SHPRH: variants seen among roughly 807,000 people sequenced by gnomAD.
SHPRH encodes E3 ubiquitin-protein ligase SHPRH.
SHPRH carries 106 observed loss-of-function variants against 202.5 expected under a neutral mutation model. The observed-to-expected ratio is 0.52, with a 90% CI of 0.45 to 0.62. The LOEUF (loss-of-function observed/expected upper bound fraction) is 0.62. Among genes scored for constraint, SHPRH ranks in the 20% least tolerant of loss-of-function variants. The pLI is 0.00. For missense variants in SHPRH, 1,710 were observed against 2,020.0 expected (o/e 0.85, Z 2.94); for synonymous variants, 729 against 686.0 (o/e 1.06, Z -0.98).
At chr6:145,910,390 C>A in intron 25 of SHPRH, 58 bp downstream of exon 25, 1 of 1,561,784 alleles carries the variant, frequency 6.4e-7, no homozygotes, top group Admixed American at 1.7e-5. Flanking sequence ...TAATCAGATA[C>A]TGCTTCCTAT....
At chr6:145,961,608 T>C (rs1231993733) in intron 1 of SHPRH, among the ~76,000 whole-genome samples, 1 of 152,246 alleles carries the variant, frequency 6.6e-6, no homozygotes, top group Admixed American at 6.5e-5. Context: ...CTATCCAGTA[T>C]CTTTTAAATT....
chr6:145,858,368 A>T, the SHPRH span, among the ~76,000 whole-genome samples: 2 of 151,608 alleles, frequency 1.3e-5, no homozygotes, highest in Non-Finnish European at 2.9e-5. Context: ...ATGGAAAGTT[A>T]CTTAGCAATA....
intron 25 of SHPRH, among the ~76,000 whole-genome samples, chr6:145,900,747 T>C (rs1025118710): frequency 6.6e-6 from 1 of 152,162 alleles, no homozygotes; most frequent in African/African-American, 2.4e-5. Flanking sequence ...TACTTTAAAA[T>C]CATCTCTGTA....
chr6:145,907,626 T>C (rs1428706743), intron 25 of SHPRH: 1 of 152,098 alleles, frequency 6.6e-6, no homozygotes, highest in African/African-American at 2.4e-5. Flanking sequence ...TTTGAGTCCT[T>C]GTCTTAGGCT....
At chr6:145,905,950 G>A (rs955334780) in intron 25 of SHPRH, 1 of 151,870 alleles carries the variant, frequency 6.6e-6, no homozygotes, top group Non-Finnish European at 1.5e-5. Context: ...CGTATTTTAT[G>A]AAACAAATTG....
rs1396373205 is a variant in SHPRH, at chr6:145,923,750, G to A, written c.3438C>T (p.Ile1146=). ...CAATAGTAAATTCTATTGCTCTGTG[G>A]ATCACATTTAGCCACCAAGGAGAAT... ...HSNSPWWLNV[I]HRAIEFTIDE... The change falls in exon 18 of 30, where the codon ATC becomes ATT. Residue 1146 remains isoleucine (I), a synonymous_variant. Coordinates refer to ENST00000275233, the MANE Select transcript of SHPRH (RefSeq NM_001042683.3). 6.2e-7 allele frequency: 1 copy of A among 1,610,894 alleles called. No homozygotes were observed. Among genetic ancestry groups the A allele is most frequent in the Admixed American group, 1.7e-5 (1 of 59,738 alleles).
At chr6:145,941,911 G>C (rs1786821808) in intron 9 of SHPRH, 37 bp from the exon 10 acceptor site, 1 of 1,602,938 alleles carries the variant, frequency 6.2e-7, no homozygotes, top group African/African-American at 1.3e-5. Context: ...ATTGCAAAAA[G>C]GCTCACTAAA....
intron 4 of SHPRH, 144 bp from the exon 5 acceptor site, chr6:145,948,494 C>T (rs1787632099): frequency 3.7e-6 from 2 of 536,782 alleles, no homozygotes; most frequent in Non-Finnish European, 6.4e-6. Flanking sequence ...GGAAAAGCCA[C>T]ATACTTAACA....
downstream of SHPRH, among the ~76,000 whole-genome samples, chr6:145,861,972 C>T (rs1358043944): frequency 2.6e-5 from 4 of 152,016 alleles, no homozygotes; most frequent in African/African-American, 7.2e-5. Flanking sequence ...CAAATAGCAG[C>T]AGAGAGTAGA....
intron 1 of SHPRH, among the ~76,000 whole-genome samples, chr6:145,962,272 C>G (rs1789166454): frequency 6.6e-6 from 1 of 152,186 alleles, no homozygotes; most frequent in African/African-American, 2.4e-5. Context: ...GAGTAGTATC[C>G]TATTCAGTGT....
Position 145,935,406 on chromosome 6 carries a change from G to T in SHPRH, c.2605C>A (p.Pro869Thr), listed in dbSNP as rs777068431. The change falls in exon 12 of 30, where the codon CCT (proline) becomes ACT (threonine). Residue 869 changes from proline (P) to threonine (T), a missense_variant. Around this residue, in one of 8 missense-constraint regions of SHPRH, gnomAD observed 277 missense variants for 363.0 expected, o/e 0.76. Coordinates refer to ENST00000275233, the MANE Select transcript of SHPRH (RefSeq NM_001042683.3). ...FGLVVFLGIE[P>T]YCVKHWWVRL... ...ACCCACCAGTGTTTGACACAGTAAGGTTCAATACCAAGAAAGACCACTAAC... is the reference window on the plus strand; with the variant it reads ...ACCCACCAGTGTTTGACACAGTAAGTTTCAATACCAAGAAAGACCACTAAC... 1 of 1,613,842 alleles carries T rather than the reference G, an allele frequency of 6.2e-7. No homozygotes were observed. Among genetic ancestry groups the T allele is most frequent in the Admixed American group, 1.7e-5 (1 of 59,992 alleles).
chr6:145,881,130 T>C (rs886579570), downstream of SHPRH, among the ~76,000 whole-genome samples: 1 of 152,244 alleles, frequency 6.6e-6, no homozygotes, highest in Non-Finnish European at 1.5e-5. Flanking sequence ...TACTTACTAA[T>C]GGGACAGAAT....
chr6:145,949,127 A>C (rs930081078), intron 4 of SHPRH, among the ~76,000 whole-genome samples: 3 of 152,130 alleles, frequency 2.0e-5, no homozygotes, highest in African/African-American at 7.2e-5. Context: ...AATGCAAATT[A>C]GTACAATCTC....
intron 1 of SHPRH, among the ~76,000 whole-genome samples, chr6:145,962,173 G>A (rs1789153862): frequency 6.6e-6 from 1 of 152,144 alleles, no homozygotes; most frequent in Non-Finnish European, 1.5e-5. Flanking sequence ...ATCTTCCCTG[G>A]AAAGGCTTCC....
At chr6:145,953,264 C>T (rs1273124769) in intron 2 of SHPRH, among the ~76,000 whole-genome samples, 1 of 151,990 alleles carries the variant, frequency 6.6e-6, no homozygotes, top group African/African-American at 2.4e-5. Context: ...AAATGAATGA[C>T]AAAGAGTGTA....
intron 24 of SHPRH, among the ~76,000 whole-genome samples, chr6:145,911,803 T>A (rs555398605): frequency 6.6e-6 from 1 of 152,154 alleles, no homozygotes; most frequent in East Asian, 1.9e-4. Context: ...AAAACTGAGG[T>A]ATATAAGCTT....
At chr6:145,895,033 A>T in intron 25 of SHPRH, 56 bp from the exon 26 acceptor site, 1 of 1,513,686 alleles carries the variant, frequency 6.6e-7, no homozygotes, top group Non-Finnish European at 9.1e-7. Context: ...TTAAGAACAG[A>T]ATAGAAAAGC....
At chr6:145,921,528 T>C (rs1784427615) in intron 20 of SHPRH, 136 bp from the exon 21 acceptor site, 2 of 779,624 alleles carry the variant, frequency 2.6e-6, no homozygotes, top group Non-Finnish European at 3.8e-6. Context: ...GAAAACATCA[T>C]AAATTTGGCC....
chr6:145,935,129 C>T lies in SHPRH; in HGVS notation c.2768G>A (p.Trp923Ter), dbSNP rs1466438863. 6.2e-7 allele frequency: 1 copy of T among 1,612,698 alleles called. No individual in the cohort carries two copies. The highest frequency in any genetic ancestry group is 1.3e-5 in the African/African-American group (1 of 74,398). The change falls in exon 13 of 30, where the codon TGG becomes TAG. Residue 923 changes from tryptophan (W) to a stop codon, truncating the protein, a stop_gained. Coordinates refer to ENST00000275233, the MANE Select transcript of SHPRH (RefSeq NM_001042683.3). LOFTEE classifies it high-confidence loss of function. Reference sequence around the variant, plus strand: ...CCTTTCCACTGGAGAAAAGTGGAGCCAGTGTATTTCTTCGGTTTGTGGTGG... The same window carrying T: ...CCTTTCCACTGGAGAAAAGTGGAGCTAGTGTATTTCTTCGGTTTGTGGTGG... ...QIPPQTEEIHWLHFSPVERHF... is the reference protein window; with the variant it reads ...QIPPQTEEIH
Sources: allele counts gnomAD v4.1 joint callset (sites outside exome capture counted in the v4.1 genomes callset), GRCh38; gene constraint gnomAD v4.1.1; regional missense constraint gnomAD v4.1.1; transcripts MANE v1.5; gene names NCBI Gene and HGNC (gene_info 2026-07-23, HGNC 2026-07-21).